Variants in CLCN4 observed in about 807,000 individuals in gnomAD.
CLCN4 encodes the protein Cl-/H+ antiporter 4.
CLCN4 carries 1 observed loss-of-function variant against 41.7 expected under a neutral mutation model. The observed-to-expected ratio is 0.02, with a 90% CI of 0.01 to 0.11. The LOEUF (loss-of-function observed/expected upper bound fraction) is 0.11, where lower values mean the gene tolerates loss of function less well. CLCN4 is among the 10% of genes least tolerant of loss of function. The pLI is 1.00. For synonymous variants in CLCN4, 277 were observed against 285.8 expected, an observed-to-expected ratio of 0.97 and a Z score of 0.31; for missense variants, 287 against 661.0, an observed-to-expected ratio of 0.43 and a Z score of 6.20.
intron 6 of CLCN4, among the ~76,000 whole-genome samples, chrX:10,200,382 T>C (rs1205592730): frequency 8.9e-6 from 1 of 112,645 alleles, no homozygotes; most frequent in Non-Finnish European, 1.9e-5. Flanking sequence ...ATTTGATGTC[T>C]AAAACATCTC....
rs1555977625 is a variant in CLCN4 at position 10,216,897 on chromosome X, G to GTATATATA, written c.1975+2833_1975+2840dup. Among the ~76,000 whole-genome samples, 29 of 20,825 alleles carry GTATATATA rather than the reference G, an allele frequency of 1.4e-3. 3 individuals carry two copies. Among genetic ancestry groups the GTATATATA allele is most frequent in the Non-Finnish European group, 2.0e-3 (22 of 10,919 alleles). The allele number at this position is 20,825 out of a possible 115,157, so 18.1% of individuals were successfully genotyped here. On this transcript the variant is annotated intron_variant, in intron 11 of 12. Transcript: ENST00000380833. ...GTTGGGGATGTGTGTGTGTGTGTGT[G>GTATATATA]TATATATATATATATATATATACAC...
intron 8 of CLCN4, among the ~76,000 whole-genome samples, chrX:10,207,407 G>A (rs980594944): frequency 1.8e-5 from 2 of 112,013 alleles, no homozygotes; most frequent in Non-Finnish European, 3.8e-5. Context: ...AATGTTTTTG[G>A]TTTTGTGGGC....
At chrX:10,228,384 C>G (rs1035443810) in intron 12 of CLCN4, among the ~76,000 whole-genome samples, 25 of 110,245 alleles carry the variant, frequency 2.3e-4, no homozygotes, top group African/African-American at 8.3e-4. Flanking sequence ...TGCCAGGTAC[C>G]GGGAGGACCT....
intron 12 of CLCN4, among the ~76,000 whole-genome samples, chrX:10,225,890 G>A (rs958766266): frequency 3.6e-5 from 4 of 111,482 alleles, no homozygotes; most frequent in Admixed American, 9.6e-5. Flanking sequence ...CAAAGATCAG[G>A]TGGTTGTAGA....
At chrX:10,206,644 G>A (rs980164719) in intron 7 of CLCN4, 52 bp from the exon 8 acceptor site, 12 of 1,191,221 alleles carry the variant, frequency 1.0e-5, no homozygotes, top group East Asian at 3.0e-5. Flanking sequence ...AGGTTTGCAC[G>A]TTTGTTTTCA....
Position 10,213,886 on chromosome X carries a change from A to G in CLCN4, c.1782A>G (p.Thr594=), listed in dbSNP as rs1267678221. Reference sequence around the variant, plus strand: ...TGAAGGACGAGTTTACTCACCGCACACTGGCCACCGACGTCATGCGGCCCC... The same window carrying G: ...TGAAGGACGAGTTTACTCACCGCACGCTGGCCACCGACGTCATGCGGCCCC... The part of the protein sequence containing the change: ...LDVKDEFTHR[T]LATDVMRPRR... The change falls in exon 11 of 13, where the codon ACA becomes ACG. Residue 594 remains threonine (T), a synonymous_variant. Transcript: ENST00000380833. 7 of 1,211,978 alleles carry G rather than the reference A, an allele frequency of 5.8e-6. No homozygotes were observed. The highest frequency in any genetic ancestry group is 7.8e-6 in the Non-Finnish European group (7 of 895,445).
chrX:10,226,761 A>C (rs1418126086), intron 12 of CLCN4, among the ~76,000 whole-genome samples: 1 of 111,718 alleles, frequency 9.0e-6, no homozygotes, highest in Non-Finnish European at 1.9e-5. Context: ...ATCAGAGAAT[A>C]CTGTATCACC....
At chrX:10,231,968 G>A (rs901327716) in intron 12 of CLCN4, among the ~76,000 whole-genome samples, 3 of 112,111 alleles carry the variant, frequency 2.7e-5, no homozygotes, top group Admixed American at 9.5e-5. Context: ...CGTTTATCAA[G>A]TATTCCTCCC....
chrX:10,189,211 A>G (rs1923891717), intron 4 of CLCN4, among the ~76,000 whole-genome samples: 1 of 112,048 alleles, frequency 8.9e-6, no homozygotes, highest in Non-Finnish European at 1.9e-5. Context: ...AGGAAGGAGA[A>G]ATAAATAGGG....
chrX:10,231,621 T>A (rs1456614029), intron 12 of CLCN4, among the ~76,000 whole-genome samples: 1 of 111,929 alleles, frequency 8.9e-6, no homozygotes, highest in African/African-American at 3.3e-5. Context: ...TAGTCTCACA[T>A]TCTGGGTCTG....
intron 12 of CLCN4, among the ~76,000 whole-genome samples, chrX:10,225,809 T>A (rs771756154): frequency 1.2e-4 from 13 of 112,057 alleles, no homozygotes; most frequent in Non-Finnish European, 1.9e-4. Flanking sequence ...ATTTTCTGCA[T>A]ATAGCTAACC....
At chrX:10,207,975 C>T in intron 8 of CLCN4, 70 bp from the exon 9 acceptor site, 1 of 956,653 alleles carries the variant, frequency 1.0e-6, no homozygotes, top group Non-Finnish European at 1.5e-6. Context: ...ACTTTCCTGC[C>T]AACCAGAGGG....
Position 10,208,264 on chromosome X carries a change from G to T in CLCN4, c.1063G>T (p.Ala355Ser). The T allele has an allele frequency of 8.3e-7, 1 of 1,210,906 alleles. No homozygotes were observed. The highest frequency in any genetic ancestry group is 1.8e-5 in the South Asian group (1 of 56,952). ...WGTLFIRCNI[A>S]WCRRRKTTRL... ...AACCCTCTTCATCCGCTGCAACATC[G>T]CCTGGTGCAGGAGGCGCAAGACCAC... The change falls in exon 9 of 13, where the codon GCC becomes TCC. Residue 355 changes from alanine (A) to serine (S), a missense_variant. This residue lies in a region of CLCN4 where 94 missense variants were observed against 177.9 expected (regional missense o/e 0.53). Transcript: ENST00000380833.
intron 11 of CLCN4, among the ~76,000 whole-genome samples, chrX:10,214,848 C>T (rs1026361823): frequency 9.0e-6 from 1 of 111,267 alleles, no homozygotes; most frequent in Non-Finnish European, 1.9e-5. Flanking sequence ...GAAGGGTAAA[C>T]AGGAGGTAGG....
chrX:10,186,518 C>A (rs1337247387), intron 3 of CLCN4, among the ~76,000 whole-genome samples: 1 of 111,272 alleles, frequency 9.0e-6, no homozygotes, highest in Non-Finnish European at 1.9e-5. Flanking sequence ...GGCGAGCCAG[C>A]GGCATGGGGG....
intron 6 of CLCN4, among the ~76,000 whole-genome samples, chrX:10,200,332 A>G (rs1364569956): frequency 1.8e-5 from 2 of 112,775 alleles, no homozygotes; most frequent in Non-Finnish European, 3.8e-5. Flanking sequence ...GCAAATTTGC[A>G]TTTTCCAACC....
At position 10,206,549 on chromosome X, in the gene CLCN4, G is replaced by A. The variant is rs143534990; in HGVS notation, c.747G>A (p.Glu249=). Residue 249 remains glutamate (E), a synonymous_variant, in exon 7 of 13, where the codon GAG becomes GAA. Coordinates refer to ENST00000380833, the MANE Select transcript of CLCN4 (RefSeq NM_001830.4). ...TTTTCTCCAAGTACAGCAAGAATGA[G>A]GGCAAGAGGCGGGAGGTGAGCCAGC... ...SSLFSKYSKN[E]GKRREVLSAA... 399 of 1,209,156 alleles carry A rather than the reference G, an allele frequency of 3.3e-4. 1 individual carries two copies. Among genetic ancestry groups the A allele is most frequent in the Admixed American group, 2.6e-4 (12 of 45,713 alleles).
Position 10,237,561 on chromosome X carries a change from G to A in CLCN4, c.*3977G>A, listed in dbSNP as rs1173355016. The A allele has an allele frequency of 9.0e-6, 1 of 110,865 alleles. No homozygotes were observed. Among genetic ancestry groups the A allele is most frequent in the Admixed American group, 9.6e-5 (1 of 10,380 alleles). The allele number at this position is 110,865 out of a possible 1,213,427, so 9.1% of individuals were successfully genotyped here. A position where few individuals can be genotyped will look rare whatever the true frequency, so the allele number is the denominator to read the frequency against. On this transcript the variant is annotated 3_prime_UTR_variant, in exon 13 of 13. Transcript: ENST00000380833. Reference sequence around the variant, plus strand: ...AGCAACGTGTTGGTTTTTTTTTATTGTAACACTCTGTGTAAACGTTGACAC... The same window carrying A: ...AGCAACGTGTTGGTTTTTTTTTATTATAACACTCTGTGTAAACGTTGACAC...
At chrX:10,178,948 G>A (rs1923603824) in intron 2 of CLCN4, among the ~76,000 whole-genome samples, 1 of 112,258 alleles carries the variant, frequency 8.9e-6, no homozygotes, top group South Asian at 3.7e-4. Flanking sequence ...AAACTTCTTG[G>A]TCCCCACTTC....
Sources: allele counts gnomAD v4.1 joint callset (sites outside exome capture counted in the v4.1 genomes callset), GRCh38; gene constraint gnomAD v4.1.1; regional missense constraint gnomAD v4.1.1; transcripts MANE v1.5; gene names NCBI Gene and HGNC (gene_info 2026-07-23, HGNC 2026-07-21).